Variants in XIRP2 observed in about 807,000 individuals in gnomAD.
XIRP2 encodes the protein xin actin binding repeat containing 2, also known as xin actin-binding repeat-containing protein 2.
A neutral mutation model predicts 277.0 loss-of-function variants in XIRP2; 236 were observed. The ratio of observed to expected loss-of-function variants is 0.85; its 90% CI spans 0.77 to 0.95. XIRP2 has a LOEUF of 0.95. XIRP2 is among the 40% of genes least tolerant of loss of function. The pLI is 0.00. For synonymous variants in XIRP2, 1,490 were observed against 1,416.5 expected, an observed-to-expected ratio of 1.05 and a Z score of -1.17; for missense variants, 4,640 against 4,157.5, an observed-to-expected ratio of 1.12 and a Z score of -3.19.
intron 2 of XIRP2, among the ~76,000 whole-genome samples, chr2:166,942,492 A>C (rs1451413810): frequency 6.6e-6 from 1 of 152,226 alleles, no homozygotes; most frequent in East Asian, 1.9e-4. Context: ...GTCCAAGCAC[A>C]CAAGTGTTAG....
chr2:167,210,694 A>C (rs373260178), intron 3 of XIRP2, 41 bp from the exon 4 acceptor site: 10 of 1,599,674 alleles, frequency 6.3e-6, no homozygotes, highest in Non-Finnish European at 7.7e-6. Flanking sequence ...TTCTTCTTAA[A>C]GCTTAACACA....
intron 10 of XIRP2, among the ~76,000 whole-genome samples, chr2:167,255,770 A>G (rs1470937157): frequency 6.6e-6 from 1 of 151,810 alleles, no homozygotes; most frequent in Non-Finnish European, 1.5e-5. Flanking sequence ...TTGTTCTGAT[A>G]TTAAAGCTTG....
chr2:166,939,731 A>AG (rs1685644954), intron 2 of XIRP2, among the ~76,000 whole-genome samples: 1 of 151,882 alleles, frequency 6.6e-6, no homozygotes, highest in African/African-American at 2.4e-5. Context: ...AAACAAAAAA[A>AG]AAACAAAGAA....
intron 5 of XIRP2, among the ~76,000 whole-genome samples, chr2:167,231,931 T>C (rs898996171): frequency 6.6e-6 from 1 of 152,028 alleles, no homozygotes; most frequent in African/African-American, 2.4e-5. Context: ...GTTTACCAGA[T>C]GTCTCTGCAA....
At chr2:167,022,349 C>G (rs544157398) in intron 2 of XIRP2, among the ~76,000 whole-genome samples, 1 of 151,988 alleles carries the variant, frequency 6.6e-6, no homozygotes, top group African/African-American at 2.4e-5. Context: ...ATGCTAAAGA[C>G]ACAATGATTT....
chr2:167,154,331 G>T (rs1692117304), intron 3 of XIRP2, among the ~76,000 whole-genome samples: 1 of 151,254 alleles, frequency 6.6e-6, no homozygotes, highest in African/African-American at 2.4e-5. Context: ...TGAGTAGGTT[G>T]TGAAAATTTT....
chr2:167,135,401 A>G (rs1469003401), intron 2 of XIRP2, among the ~76,000 whole-genome samples: 1 of 152,080 alleles, frequency 6.6e-6, no homozygotes, highest in Non-Finnish European at 1.5e-5. Context: ...CATAATCTTT[A>G]TGAATCGAAA....
chr2:167,086,723 A>C (rs918865873), intron 2 of XIRP2, among the ~76,000 whole-genome samples: 9 of 151,504 alleles, frequency 5.9e-5, no homozygotes, highest in Admixed American at 2.0e-4. Flanking sequence ...CCTTTCTCCC[A>C]GTTGATCGCA....
intron 2 of XIRP2, among the ~76,000 whole-genome samples, chr2:167,061,511 T>C (rs1029916208): frequency 1.3e-5 from 2 of 152,132 alleles, no homozygotes; most frequent in Non-Finnish European, 2.9e-5. Context: ...TGCTTAATGT[T>C]GTAGATTGAA....
intron 4 of XIRP2, among the ~76,000 whole-genome samples, chr2:167,213,306 C>T (rs999737695): frequency 6.6e-6 from 1 of 152,038 alleles, no homozygotes; most frequent in Non-Finnish European, 1.5e-5. Context: ...TTTCTATGCC[C>T]AGTTTATAAG....
chr2:167,069,241 T>G (rs757439851), intron 2 of XIRP2, among the ~76,000 whole-genome samples: 13 of 152,208 alleles, frequency 8.5e-5, no homozygotes, highest in Non-Finnish European at 1.3e-4. Context: ...TTTTGCTTTT[T>G]GGAACACTGT....
chr2:166,908,177 G>C (rs1287127815), intron 2 of XIRP2, among the ~76,000 whole-genome samples: 1 of 152,138 alleles, frequency 6.6e-6, no homozygotes. Flanking sequence ...CTAGATCCTT[G>C]AGGAATTGCC....
chr2:167,252,036 G>C, intron 9 of XIRP2, 89 bp downstream of exon 9: 12 of 1,486,358 alleles, frequency 8.1e-6, no homozygotes, highest in Non-Finnish European at 9.8e-6. Context: ...AAAAGAGTGC[G>C]TGGAAACAAC....
intron 2 of XIRP2, among the ~76,000 whole-genome samples, chr2:166,908,289 A>T (rs1684586376): frequency 1.3e-5 from 2 of 152,128 alleles, no homozygotes; most frequent in South Asian, 4.2e-4. Context: ...GTTTCCTGAC[A>T]TTTTAATGAT....
chr2:167,159,690 A>T (rs952378904), intron 3 of XIRP2, among the ~76,000 whole-genome samples: 1 of 151,878 alleles, frequency 6.6e-6, no homozygotes, highest in South Asian at 2.1e-4. Flanking sequence ...ATAAAAAAAC[A>T]ATAAAAGGAA....
intron 3 of XIRP2, among the ~76,000 whole-genome samples, chr2:167,185,193 C>T (rs911565494): frequency 5.3e-5 from 8 of 152,032 alleles, no homozygotes; most frequent in Non-Finnish European, 7.4e-5. Flanking sequence ...TATGACTGAA[C>T]ATTTTTGCTT....
At chr2:166,955,464 G>A (rs1406674981) in intron 2 of XIRP2, among the ~76,000 whole-genome samples, 1 of 151,578 alleles carries the variant, frequency 6.6e-6, no homozygotes, top group African/African-American at 2.4e-5. Flanking sequence ...AGGATTGAGG[G>A]GGGTGAGGGA....
chr2:167,255,325 A>G (rs1248308486), intron 10 of XIRP2, among the ~76,000 whole-genome samples: 1 of 151,802 alleles, frequency 6.6e-6, no homozygotes, highest in Non-Finnish European at 1.5e-5. Flanking sequence ...AGCAAACTCA[A>G]TATGCCCCAT....
In XIRP2 at chr2:167,248,455, T is replaced by A. The variant is rs765469133; in HGVS notation, c.7063T>A (p.Ser2355Thr). 2.5e-6 allele frequency: 4 copies of A among 1,613,624 alleles called. No individual in the cohort carries two copies. Among genetic ancestry groups the A allele is most frequent in the Non-Finnish European group, 3.4e-6 (4 of 1,179,768 alleles). ...TCCTCCACCTCCAGTAGATGAGAAA[T>A]CTGAAAGAGAAAGTTCATCGATGTT... is the stretch of plus-strand genomic sequence containing the variant. ...PLPPPPVDEK[S>T]ERESSSMFLP... Residue 2355 changes from serine to threonine, a missense_variant, in exon 9 of 11, where the codon TCT becomes ACT. By Grantham distance (58) the Ser-to-Thr change is moderately conservative. Coordinates refer to ENST00000409195, the MANE Select transcript of XIRP2 (RefSeq NM_152381.6).
Sources: allele counts gnomAD v4.1 joint callset (sites outside exome capture counted in the v4.1 genomes callset), GRCh38; gene constraint gnomAD v4.1.1; transcripts MANE v1.5; gene names NCBI Gene and HGNC (gene_info 2026-07-23, HGNC 2026-07-21).